TBC1D19: variants seen among roughly 807,000 people sequenced by gnomAD.
The protein encoded by TBC1D19 is TBC1 domain family, member 19.
In TBC1D19, 60 loss-of-function variants were observed where a neutral mutation model predicts 89.0. The observed-to-expected ratio is 0.67, with a 90% CI of 0.55 to 0.84. The LOEUF is 0.84. Ranked by LOEUF, TBC1D19 falls within the 40% of genes least tolerant of loss-of-function variation. TBC1D19 has a pLI of 0.00. For synonymous variants in TBC1D19, 189 were observed against 199.7 expected, an observed-to-expected ratio of 0.95 and a Z score of 0.45; for missense variants, 500 against 610.8, an observed-to-expected ratio of 0.82 and a Z score of 1.91.
intron 3 of TBC1D19, among the ~76,000 whole-genome samples, chr4:26,619,782 T>C (rs1741922596): frequency 6.6e-6 from 1 of 152,198 alleles, no homozygotes; most frequent in African/African-American, 2.4e-5. Context: ...ATTCCAGCAA[T>C]GTTTCTATGG....
chr4:26,848,353 A>G, the TBC1D19 span, among the ~76,000 whole-genome samples: 1 of 152,216 alleles, frequency 6.6e-6, no homozygotes, highest in Non-Finnish European at 1.5e-5. Flanking sequence ...TATGGGTTTT[A>G]GCTTTCATAA....
At chr4:26,808,925 G>A in the TBC1D19 span, among the ~76,000 whole-genome samples, 3 of 152,252 alleles carry the variant, frequency 2.0e-5, no homozygotes, top group African/African-American at 2.4e-5. Flanking sequence ...GAAAGAGAAC[G>A]CTGGACTCTG....
At chr4:26,665,664 C>T (rs924077675) in intron 8 of TBC1D19, among the ~76,000 whole-genome samples, 10 of 151,920 alleles carry the variant, frequency 6.6e-5, no homozygotes, top group Non-Finnish European at 1.3e-4. Context: ...TGATTAAGAT[C>T]TGAGTGAAGT....
At chr4:26,604,136 A>G (rs996921693) in intron 1 of TBC1D19, among the ~76,000 whole-genome samples, 21 of 149,972 alleles carry the variant, frequency 1.4e-4, no homozygotes, top group Admixed American at 2.6e-4. Context: ...CATGTGTCAG[A>G]ATTTTCTTTT....
At chr4:26,627,089 T>A (rs1742463929) in intron 4 of TBC1D19, among the ~76,000 whole-genome samples, 1 of 151,846 alleles carries the variant, frequency 6.6e-6, no homozygotes, top group Non-Finnish European at 1.5e-5. Flanking sequence ...CCTTCCTGTG[T>A]CCATGTGTTC....
the TBC1D19 span, among the ~76,000 whole-genome samples, chr4:26,815,970 C>T: frequency 6.6e-6 from 1 of 152,166 alleles, no homozygotes; most frequent in East Asian, 1.9e-4. Context: ...TGTGTGAGTT[C>T]CACAGAACTG....
chr4:26,800,860 T>C, the TBC1D19 span, among the ~76,000 whole-genome samples: 1 of 152,194 alleles, frequency 6.6e-6, no homozygotes. Flanking sequence ...GGTCATTTGT[T>C]TTCCTCTTGT....
the TBC1D19 span, among the ~76,000 whole-genome samples, chr4:26,793,722 CAAAAAAA>C: frequency 2.0e-4 from 16 of 78,998 alleles, no homozygotes; most frequent in African/African-American, 7.6e-4. Context: ...GACTTCGTCT[CAAAAAAA>C]AAAAAAAAAA....
chr4:26,585,918 G>C (rs779427314), intron 1 of TBC1D19, among the ~76,000 whole-genome samples: 8 of 151,998 alleles, frequency 5.3e-5, no homozygotes, highest in Non-Finnish European at 1.2e-4. Context: ...TTTCTCAACT[G>C]GGTCTTTGAA....
chr4:26,768,584 ATTTG>A, the TBC1D19 span, among the ~76,000 whole-genome samples: 2 of 152,304 alleles, frequency 1.3e-5, no homozygotes, highest in African/African-American at 4.8e-5. Flanking sequence ...ACTTTGTCCT[ATTTG>A]TTAAAGAAGC....
the TBC1D19 span, among the ~76,000 whole-genome samples, chr4:26,825,126 G>A: frequency 1.3e-5 from 2 of 149,480 alleles, no homozygotes; most frequent in Admixed American, 6.6e-5. Flanking sequence ...TTGAGACAGA[G>A]TCTCACTCTG....
chr4:26,769,990 G>A, the TBC1D19 span, among the ~76,000 whole-genome samples: 1 of 151,040 alleles, frequency 6.6e-6, no homozygotes, highest in Admixed American at 6.6e-5. Context: ...GAGATAGAAT[G>A]GAATCATAAA....
At chr4:26,614,258 T>C (rs892229471) in intron 2 of TBC1D19, 150 bp from the exon 3 acceptor site, 3 of 545,032 alleles carry the variant, frequency 5.5e-6, no homozygotes, top group Non-Finnish European at 9.5e-6. Flanking sequence ...AAATAATCTT[T>C]AATAACGCTT....
intron 13 of TBC1D19, among the ~76,000 whole-genome samples, chr4:26,711,323 T>A (rs1003351592): frequency 1.3e-5 from 2 of 151,966 alleles, no homozygotes; most frequent in Admixed American, 6.6e-5. Flanking sequence ...GAGGGCAGAG[T>A]GTTTTAAAAA....
intron 1 of TBC1D19, among the ~76,000 whole-genome samples, chr4:26,606,864 G>T (rs1307122294): frequency 6.6e-6 from 1 of 152,102 alleles, no homozygotes; most frequent in Non-Finnish European, 1.5e-5. Context: ...GCCCTCATTT[G>T]TACTTAATGG....
chr4:26,671,333 CT>C (rs1190056284), intron 9 of TBC1D19, among the ~76,000 whole-genome samples: 1 of 151,710 alleles, frequency 6.6e-6, no homozygotes, highest in Admixed American at 6.6e-5. Flanking sequence ...CAGGTCACTC[CT>C]TTTGTGAAGA....
chr4:26,585,195 T>G, intron 1 of TBC1D19: 1 of 447,870 alleles, frequency 2.2e-6, no homozygotes, highest in South Asian at 1.6e-5. Context: ...GTAAGTGTAA[T>G]GTTTCATTCT....
At chr4:26,763,341 CTGA>C in the TBC1D19 span, among the ~76,000 whole-genome samples, 1 of 152,288 alleles carries the variant, frequency 6.6e-6, no homozygotes, top group African/African-American at 2.4e-5. Flanking sequence ...GACTTTAAGT[CTGA>C]TGAGAAACAT....
intron 4 of TBC1D19, among the ~76,000 whole-genome samples, chr4:26,634,739 A>G (rs927171014): frequency 6.6e-6 from 1 of 152,154 alleles, no homozygotes; most frequent in Non-Finnish European, 1.5e-5. Context: ...GTATCTACAT[A>G]TATTTTATGC....
Sources: gnomAD v4.1 joint callset for allele counts (sites outside exome capture counted in the v4.1 genomes callset) on GRCh38, gnomAD v4.1.1 for gene constraint, MANE v1.5 for transcripts, NCBI Gene and HGNC (gene_info 2026-07-23, HGNC 2026-07-21) for gene names.